Variants in ABHD2 observed in about 807,000 individuals in gnomAD.
The protein encoded by ABHD2 is monoacylglycerol lipase ABHD2.
In ABHD2, 20 loss-of-function variants were observed where a neutral mutation model predicts 48.1. The ratio of observed to expected loss-of-function variants is 0.42; its 90% CI spans 0.29 to 0.60. The LOEUF is 0.60. Ranked by LOEUF, ABHD2 falls within the 20% of genes least tolerant of loss-of-function variation. The pLI, the probability that ABHD2 is intolerant of heterozygous loss-of-function variation, is 0.24. For synonymous variants in ABHD2, 209 were observed against 214.2 expected (o/e 0.98, Z 0.21); for missense variants, 405 against 550.9 (o/e 0.74, Z 2.65).
At chr15:89,112,173 GC>G (rs2049886167) in intron 1 of ABHD2, among the ~76,000 whole-genome samples, 1 of 152,120 alleles carries the variant, frequency 6.6e-6, no homozygotes, top group Non-Finnish European at 1.5e-5. Context: ...TGGGTCTGAA[GC>G]GGGGCAGCCC....
the ABHD2 span, among the ~76,000 whole-genome samples, chr15:89,068,426 A>G: frequency 6.8e-3 from 1,030 of 152,254 alleles, 6 homozygotes; most frequent in African/African-American, 0.024. Flanking sequence ...AAAGCTGAGA[A>G]TGACTCAACA....
intron 5 of ABHD2, among the ~76,000 whole-genome samples, chr15:89,172,819 C>T (rs2050951741): frequency 6.6e-6 from 1 of 152,208 alleles, no homozygotes; most frequent in Admixed American, 6.5e-5. Flanking sequence ...GCACAGTTTC[C>T]TCACTACAAA....
Position 89,151,782 on chromosome 15 carries a change from C to T in ABHD2, c.300C>T (p.Phe100=). 1 of 1,614,240 alleles carries T rather than the reference C, an allele frequency of 6.2e-7. No homozygotes were observed. The highest frequency in any genetic ancestry group is 8.5e-7 in the Non-Finnish European group (1 of 1,180,048). ...CACATCCTTATGGGCACCGGAAGTTCATCACTATGTCTGATGGAGCCACTT... is the reference window on the plus strand; with the variant it reads ...CACATCCTTATGGGCACCGGAAGTTTATCACTATGTCTGATGGAGCCACTT... ...RSPHPYGHRK[F]ITMSDGATST... is the part of the protein sequence containing the mutation. The change falls in exon 4 of 11, where the codon TTC becomes TTT. Residue 100 remains phenylalanine, a synonymous_variant. Coordinates refer to ENST00000352732, the MANE Select transcript of ABHD2 (RefSeq NM_152924.5). This position sits in a 1 kb window ranked among gnomAD's most constrained non-coding sequence, Gnocchi z 4.7.
chr15:89,150,605 G>C (rs1420473604), intron 3 of ABHD2, among the ~76,000 whole-genome samples: 1 of 152,146 alleles, frequency 6.6e-6, no homozygotes, highest in Admixed American at 6.5e-5. Flanking sequence ...TCTTAACTTT[G>C]TGTAGATTTG....
intron 1 of ABHD2, among the ~76,000 whole-genome samples, chr15:89,110,360 C>G (rs975591681): frequency 6.6e-6 from 1 of 152,136 alleles, no homozygotes; most frequent in African/African-American, 2.4e-5. Context: ...CTGCACCCGG[C>G]CTTATTGTCT....
chr15:89,098,213 C>T (rs2049644787), intron 1 of ABHD2, among the ~76,000 whole-genome samples: 1 of 152,152 alleles, frequency 6.6e-6, no homozygotes, highest in African/African-American at 2.4e-5. Context: ...TATTGTTTGG[C>T]ATCCTATTAC....
At chr15:89,098,240 A>T (rs1004263784) in intron 1 of ABHD2, among the ~76,000 whole-genome samples, 1 of 152,178 alleles carries the variant, frequency 6.6e-6, no homozygotes, top group African/African-American at 2.4e-5. Context: ...TCATGTATTC[A>T]ATTATGTCAT....
At chr15:89,122,818 A>G (rs930572730) in intron 3 of ABHD2, among the ~76,000 whole-genome samples, 1 of 152,210 alleles carries the variant, frequency 6.6e-6, no homozygotes, top group Admixed American at 6.5e-5. Flanking sequence ...CAAGCTTGCC[A>G]GTATGGGCTG....
At chr15:89,063,577 T>C in the ABHD2 span, among the ~76,000 whole-genome samples, 1 of 151,698 alleles carries the variant, frequency 6.6e-6, no homozygotes, top group Non-Finnish European at 1.5e-5. Context: ...ATCACACATA[T>C]AAACACAAAG....
Position 89,199,917 on chromosome 15 carries a change from G to A in ABHD2, c.*4494G>A, listed in dbSNP as rs1024786179. On this transcript the variant is annotated 3_prime_UTR_variant, in exon 11 of 11. Transcript: ENST00000352732. The surrounding 1 kb of genome is among the most constrained non-coding windows in gnomAD (Gnocchi z 4.1). ...GGAATCTGGCCCCTGCTGGGAGAGG[G>A]AACTGGAATGCCACACAAGGCAAGG... is the stretch of plus-strand genomic sequence containing the variant. 4 of 152,520 alleles carry A rather than the reference G, an allele frequency of 2.6e-5. No individual in the cohort carries two copies. The highest frequency in any genetic ancestry group is 4.4e-5 in the Non-Finnish European group (3 of 68,034). The allele number at this position is 152,520 out of a possible 1,614,324, so 9.4% of individuals were successfully genotyped here.
chr15:89,135,992 T>C (rs1437368341), intron 3 of ABHD2: 1 of 300,770 alleles, frequency 3.3e-6, no homozygotes, highest in Non-Finnish European at 6.3e-6. Flanking sequence ...AATGGCGCAA[T>C]CTCAGCTCAC....
chr15:89,127,022 A>G (rs1041434801), intron 3 of ABHD2, among the ~76,000 whole-genome samples: 3 of 152,220 alleles, frequency 2.0e-5, no homozygotes, highest in Non-Finnish European at 2.9e-5. Flanking sequence ...TTTATGCATG[A>G]TTGGATGAGA....
chr15:89,068,760 T>TG, the ABHD2 span, among the ~76,000 whole-genome samples: 1 of 96,484 alleles, frequency 1.0e-5, no homozygotes, highest in Admixed American at 9.9e-5. Flanking sequence ...TCCTCTTTTT[T>TG]TTTTTTTTTT....
chr15:89,047,937 A>G, the ABHD2 span, among the ~76,000 whole-genome samples: 2 of 147,118 alleles, frequency 1.4e-5, no homozygotes, highest in African/African-American at 2.6e-5. Flanking sequence ...TGATCCTGTC[A>G]TTATGATGTT....
At chr15:89,074,423 A>G in the ABHD2 span, among the ~76,000 whole-genome samples, 3 of 152,064 alleles carry the variant, frequency 2.0e-5, no homozygotes, top group African/African-American at 4.8e-5. Flanking sequence ...TTCTGATGCC[A>G]GTGTTCTTTC....
At chr15:89,052,538 G>GACACACAC in the ABHD2 span, among the ~76,000 whole-genome samples, 69 of 129,032 alleles carry the variant, frequency 5.3e-4, no homozygotes, top group African/African-American at 2.3e-3. Context: ...CAGACAGACA[G>GACACACAC]ACAGACAGAC....
chr15:89,055,268 T>C, the ABHD2 span, among the ~76,000 whole-genome samples: 1 of 152,144 alleles, frequency 6.6e-6, no homozygotes, highest in Non-Finnish European at 1.5e-5. Context: ...GTCTATCTTT[T>C]GATTTAACTA....
chr15:89,190,301 G>GGAGCAGAGCA (rs761571414), intron 8 of ABHD2, among the ~76,000 whole-genome samples: 1 of 152,192 alleles, frequency 6.6e-6, no homozygotes, highest in Admixed American at 6.5e-5. Context: ...CTGGGAGCAC[G>GGAGCAGAGCA]GAGCAGAGCA....
chr15:89,122,040 G>T (rs2050060254), intron 3 of ABHD2, among the ~76,000 whole-genome samples: 1 of 152,140 alleles, frequency 6.6e-6, no homozygotes, highest in African/African-American at 2.4e-5. Context: ...ATGTTGCCCA[G>T]TCTGGTCTCA....
Sources: allele counts gnomAD v4.1 joint callset (sites outside exome capture counted in the v4.1 genomes callset), GRCh38; gene constraint gnomAD v4.1.1; non-coding constraint Gnocchi (gnomAD v3.1); transcripts MANE v1.5; gene names NCBI Gene and HGNC (gene_info 2026-07-23, HGNC 2026-07-21).